The following RYR3 variants were observed in gnomAD, a reference collection of about 807,000 sequenced individuals.
RYR3 encodes ryanodine receptor 3.
In RYR3, 207 loss-of-function variants were observed where a neutral mutation model predicts 584.3. That is an observed-to-expected ratio of 0.35 (90% CI 0.32 to 0.40). RYR3 has a LOEUF of 0.40. RYR3 is among the 10% of genes least tolerant of loss of function. RYR3 has a pLI of 1.00. For synonymous variants in RYR3, 2,416 were observed against 2,248.5 expected, an observed-to-expected ratio of 1.07 and a Z score of -2.11; for missense variants, 5,616 against 6,089.2, an observed-to-expected ratio of 0.92 and a Z score of 2.59.
At chr15:33,561,822 C>T (rs1030436881) in intron 10 of RYR3, among the ~76,000 whole-genome samples, 1 of 151,674 alleles carries the variant, frequency 6.6e-6, no homozygotes, top group African/African-American at 2.4e-5. Context: ...ATCACTTGAG[C>T]CTGGGGGCAG....
intron 18 of RYR3, among the ~76,000 whole-genome samples, chr15:33,604,698 C>T (rs1461723384): frequency 2.0e-5 from 3 of 152,100 alleles, no homozygotes; most frequent in Non-Finnish European, 4.4e-5. Flanking sequence ...CTTAACCTTC[C>T]CTAATTCTTC....
intron 38 of RYR3, among the ~76,000 whole-genome samples, chr15:33,692,975 A>G (rs945115734): frequency 1.3e-5 from 2 of 152,200 alleles, no homozygotes; most frequent in African/African-American, 4.8e-5. Context: ...GTCCTTGAGC[A>G]GGTTAGCAAT....
Position 33,585,877 on chromosome 15 carries a change from T to C in RYR3, c.1670-121T>C, listed in dbSNP as rs8039172. 7.1e-3 allele frequency: 4,447 copies of C among 623,004 alleles called. 153 individuals are homozygous for C. The African/African-American group carries it at 0.074, about 10-fold the overall frequency. 38.6% of individuals were successfully genotyped at this position (623,004 alleles called of 1,614,324 possible). On this transcript the variant is annotated intron_variant, in intron 15 of 103. Coordinates refer to ENST00000634891, the MANE Select transcript of RYR3 (RefSeq NM_001036.6). ...TTTCTGGCTGGAAAGATTTGATAGA[T>C]TCAAAGAATTGACGATATCCTGTCC...
chr15:33,515,277 G>T lies in RYR3; in HGVS notation c.279+11539G>T, dbSNP rs143256830. Among the ~76,000 whole-genome samples, 412 of 152,272 alleles carry T rather than the reference G, an allele frequency of 2.7e-3. 3 individuals are homozygous for T. The highest frequency in any genetic ancestry group is 9.7e-3 in the African/African-American group (404 of 41,560). On this transcript the variant is annotated intron_variant, in intron 3 of 103. Transcript: ENST00000634891. ...CCATCGAAGCCACAATTAATTCTCT[G>T]ACCTCAGGCAGCTGACCCAGGTCAC...
chr15:33,840,926 A>G, intron 90 of RYR3, 43 bp downstream of exon 90: 2 of 1,588,820 alleles, frequency 1.3e-6, no homozygotes, highest in Non-Finnish European at 1.7e-6. Flanking sequence ...GCTATGGTAG[A>G]TAATTCTTAG....
chr15:33,705,101 T>TC (rs1156781766), intron 42 of RYR3, among the ~76,000 whole-genome samples: 3 of 142,102 alleles, frequency 2.1e-5, no homozygotes, highest in African/African-American at 2.7e-5. Context: ...CACACACTCT[T>TC]TCTCTCTCTC....
At chr15:33,764,841 A>C (rs1178673331) in intron 60 of RYR3, among the ~76,000 whole-genome samples, 1 of 151,750 alleles carries the variant, frequency 6.6e-6, no homozygotes, top group African/African-American at 2.4e-5. Context: ...GACTAGCCTG[A>C]CTAACATGGT....
At chr15:33,431,719 A>G (rs554266495) in intron 1 of RYR3, among the ~76,000 whole-genome samples, 13 of 152,134 alleles carry the variant, frequency 8.5e-5, no homozygotes, top group Non-Finnish European at 1.5e-4. Context: ...TGAGCCGAGC[A>G]TGCACTCCTG....
intron 2 of RYR3, among the ~76,000 whole-genome samples, chr15:33,488,837 C>T (rs569268360): frequency 1.6e-4 from 24 of 152,076 alleles, no homozygotes; most frequent in Middle Eastern, 3.4e-3. Flanking sequence ...AGCAACCGAG[C>T]GAGACTCTAT....
At chr15:33,337,908 G>C (rs1488465788) in intron 1 of RYR3, among the ~76,000 whole-genome samples, 3 of 146,326 alleles carry the variant, frequency 2.1e-5, no homozygotes, top group Non-Finnish European at 4.5e-5. Context: ...GGAAAATGAT[G>C]AGACAAGTCT....
chr15:33,607,167 G>T (rs754138462), intron 18 of RYR3, among the ~76,000 whole-genome samples: 4 of 152,292 alleles, frequency 2.6e-5, no homozygotes, highest in South Asian at 4.2e-4. Context: ...AAATATTTGT[G>T]CTTGTGTTAT....
At chr15:33,858,155 A>G in intron 99 of RYR3, 1 of 504,724 alleles carries the variant, frequency 2.0e-6, no homozygotes, top group East Asian at 3.1e-5. Context: ...AAAGGGAAGC[A>G]CCCTGCACAG....
At position 33,724,070 on chromosome 15, in the gene RYR3, C is replaced by T. The variant is rs201082522; in HGVS notation, c.6806C>T (p.Thr2269Met). 153 of 1,596,358 alleles carry T rather than the reference C, an allele frequency of 9.6e-5. No homozygotes were observed. Among genetic ancestry groups the T allele is most frequent in the African/African-American group, 4.4e-4 (33 of 74,698 alleles). The change falls in exon 45 of 104, where the codon ACG becomes ATG. Residue 2269 changes from threonine to methionine, a missense_variant. Thr to Met is a moderately conservative substitution (Grantham distance 81). This residue lies in a region of RYR3 where 1,280 missense variants were observed against 1,426.2 expected (regional missense o/e 0.90). Coordinates refer to ENST00000634891, the MANE Select transcript of RYR3 (RefSeq NM_001036.6). The part of the protein sequence containing the change: ...PSQGYKREVS[T>M]GDDEEEEEIV... ...CCCTCTGTTGGTTCTCTCAGCAGCA[C>T]GGGGGACGATGAAGAGGAAGAAGAA...
chr15:33,771,468 A>G (rs1434141150), intron 62 of RYR3, among the ~76,000 whole-genome samples: 1 of 151,600 alleles, frequency 6.6e-6, no homozygotes, highest in Non-Finnish European at 1.5e-5. Context: ...TGGGAGGCAG[A>G]GGTTGCAGTG....
chr15:33,806,762 T>C (rs2076233232), intron 69 of RYR3, among the ~76,000 whole-genome samples: 1 of 151,826 alleles, frequency 6.6e-6, no homozygotes, highest in South Asian at 2.1e-4. Flanking sequence ...TTTTTCCTTT[T>C]TTTTTTTTTA....
intron 102 of RYR3, among the ~76,000 whole-genome samples, chr15:33,863,175 C>G (rs1042465037): frequency 2.0e-5 from 3 of 152,064 alleles, no homozygotes; most frequent in Non-Finnish European, 4.4e-5. Flanking sequence ...GGGAAAGAAC[C>G]CAATTTTATT....
intron 64 of RYR3, among the ~76,000 whole-genome samples, chr15:33,779,799 G>A (rs1250205643): frequency 6.6e-6 from 1 of 151,840 alleles, no homozygotes; most frequent in Non-Finnish European, 1.5e-5. Context: ...TCAGGAGATC[G>A]AGACCATCCT....
chr15:33,474,968 T>G (rs979443582), intron 2 of RYR3, among the ~76,000 whole-genome samples: 5 of 152,158 alleles, frequency 3.3e-5, no homozygotes, highest in African/African-American at 1.2e-4. Flanking sequence ...CAAGGAAAAT[T>G]TTTATCTTTT....
chr15:33,498,136 A>G (rs1277507809), intron 2 of RYR3, among the ~76,000 whole-genome samples: 1 of 152,168 alleles, frequency 6.6e-6, no homozygotes, highest in African/African-American at 2.4e-5. Context: ...GATTGATTCC[A>G]TATCTTTGCT....
Sources: allele counts gnomAD v4.1 joint callset (sites outside exome capture counted in the v4.1 genomes callset), GRCh38; gene constraint gnomAD v4.1.1; regional missense constraint gnomAD v4.1.1; transcripts MANE v1.5; gene names NCBI Gene and HGNC (gene_info 2026-07-23, HGNC 2026-07-21).